CCDC191: variants seen among roughly 807,000 people sequenced by gnomAD.
CCDC191 encodes coiled-coil domain-containing protein 191.
In CCDC191, 99 loss-of-function variants were observed where a neutral mutation model predicts 114.0. That is an observed-to-expected ratio of 0.87 (90% CI 0.74 to 1.03). CCDC191 has a LOEUF of 1.03. Ranked by LOEUF, CCDC191 falls within the 50% of genes least tolerant of loss-of-function variation. The probability of loss-of-function intolerance (pLI) is 0.00; values close to 1 mark genes in which losing one functional copy is unlikely to be tolerated. For missense variants in CCDC191, 973 were observed against 1,087.0 expected (o/e 0.90, Z 1.47); for synonymous variants, 351 against 376.0 (o/e 0.93, Z 0.77).
At chr3:114,009,685 G>A (rs181140617) in intron 9 of CCDC191, among the ~76,000 whole-genome samples, 82 of 152,224 alleles carry the variant, frequency 5.4e-4, no homozygotes, top group Middle Eastern at 3.4e-3. Context: ...TAATCAAAGA[G>A]ATACAAATGT....
At position 114,006,613 on chromosome 3, in the gene CCDC191, T is replaced by TATATATAA. The variant is rs1206982466; in HGVS notation, c.1414-652_1414-651insTTATATAT. On this transcript the variant is annotated intron_variant, in intron 9 of 16. Transcript: ENST00000295878. ...ATATATATATATATATATATATATA[T>TATATATAA]ATATAAATATATATATTTTATATAT... 4.4e-5 allele frequency among the ~76,000 whole-genome samples: 4 copies of TATATATAA among 91,186 alleles called. No individual in the cohort carries two copies. In the East Asian group the frequency reaches 1.6e-3, roughly 35 times the overall value. 59.8% of individuals were successfully genotyped at this position (91,186 alleles called of 152,430 possible).
rs560968273 is a variant in CCDC191, at chr3:114,017,328, T to C, written c.1163+1350A>G. On this transcript the variant is annotated intron_variant, in intron 8 of 16. Coordinates refer to ENST00000295878, the MANE Select transcript of CCDC191 (RefSeq NM_020817.2). ...CCCATCTTCTTGATAATGCCTTTCCTGGCACTCTTTAGGAATCTCCTTAGC... is the reference window on the plus strand; with the variant it reads ...CCCATCTTCTTGATAATGCCTTTCCCGGCACTCTTTAGGAATCTCCTTAGC... Among the ~76,000 whole-genome samples the C allele has an allele frequency of 2.0e-5, 3 of 152,316 alleles. No homozygotes were observed. The East Asian group carries it at 5.8e-4, about 29-fold the overall frequency.
At chr3:114,006,357 G>A (rs2075959265) in intron 9 of CCDC191, among the ~76,000 whole-genome samples, 1 of 151,800 alleles carries the variant, frequency 6.6e-6, no homozygotes, top group Admixed American at 6.6e-5. Flanking sequence ...GCTGATGCAG[G>A]AGAATCGCTT....
At chr3:113,978,826 T>G (rs764724694) in intron 15 of CCDC191, 32 bp downstream of exon 15, 21 of 1,593,838 alleles carry the variant, frequency 1.3e-5, no homozygotes, top group Non-Finnish European at 1.8e-5. Flanking sequence ...AGCAATGAGA[T>G]GTATTTAAGG....
intron 9 of CCDC191, among the ~76,000 whole-genome samples, chr3:114,008,587 G>C (rs1012767133): frequency 7.9e-5 from 12 of 151,966 alleles, no homozygotes; most frequent in African/African-American, 2.9e-4. Flanking sequence ...AGAAGAAGCC[G>C]ACAGGATTGA....
chr3:114,035,547 C>A (rs1316305199), intron 5 of CCDC191, among the ~76,000 whole-genome samples: 1 of 152,154 alleles, frequency 6.6e-6, no homozygotes, highest in Non-Finnish European at 1.5e-5. Flanking sequence ...TTTTTGGAAG[C>A]CACACTGTGA....
intron 4 of CCDC191, among the ~76,000 whole-genome samples, chr3:114,037,890 A>G (rs576418735): frequency 3.3e-5 from 5 of 152,292 alleles, no homozygotes; most frequent in Middle Eastern, 3.4e-3. Flanking sequence ...TTTTTCCCAA[A>G]TATTTTTCAT....
At chr3:113,992,986 C>A (rs902144030) in intron 13 of CCDC191, among the ~76,000 whole-genome samples, 2 of 152,122 alleles carry the variant, frequency 1.3e-5, no homozygotes, top group African/African-American at 4.8e-5. Flanking sequence ...CCCTGGGATG[C>A]AAGGATGGTT....
intron 7 of CCDC191, among the ~76,000 whole-genome samples, chr3:114,023,685 C>A (rs547089857): frequency 6.6e-6 from 1 of 152,140 alleles, no homozygotes; most frequent in African/African-American, 2.4e-5. Context: ...CGCTTCCTTA[C>A]ACCTTATACA....
chr3:114,035,463 T>A (rs1157625291), intron 5 of CCDC191, among the ~76,000 whole-genome samples: 1 of 152,242 alleles, frequency 6.6e-6, no homozygotes, highest in Non-Finnish European at 1.5e-5. Flanking sequence ...CTTGTAAGAT[T>A]GTCCAAGGTG....
intron 13 of CCDC191, among the ~76,000 whole-genome samples, chr3:113,987,671 T>C (rs1345594695): frequency 6.6e-6 from 1 of 152,156 alleles, no homozygotes; most frequent in Non-Finnish European, 1.5e-5. Flanking sequence ...GTAGCTGAGA[T>C]TACAGGTACA....
rs200394017 is a variant in CCDC191, at chr3:114,042,787, C to T, written c.331G>A (p.Glu111Lys). ...TKLKQELASEEEGDAKNTVSS... is the reference protein window; with the variant it reads ...TKLKQELASEKEGDAKNTVSS... ...ACAGTGTTTTTAGCATCACCTTCTT[C>T]CTCACTTGCTAATTCTTGCTTAAGT... The change falls in exon 4 of 17, where the codon GAA becomes AAA. Residue 111 changes from glutamate (E) to lysine (K), a missense_variant. Physicochemically the swap from Glu to Lys is moderately conservative, Grantham distance 56. Coordinates refer to ENST00000295878, the MANE Select transcript of CCDC191 (RefSeq NM_020817.2). The T allele has an allele frequency of 1.4e-5, 22 of 1,602,068 alleles. No individual in the cohort carries two copies. In the South Asian group the frequency reaches 2.1e-4, roughly 16 times the overall value.
In CCDC191 at chr3:114,005,934, T is replaced by G. The variant is rs1250850161; in HGVS notation, c.1442A>C (p.Lys481Thr). 6.2e-7 allele frequency: 1 copy of G among 1,613,830 alleles called. No individual in the cohort carries two copies. The highest frequency in any genetic ancestry group is 1.3e-5 in the African/African-American group (1 of 75,004). The change falls in exon 10 of 17, where the codon AAG becomes ACG. Residue 481 changes from lysine to threonine, a missense_variant. By Grantham distance (78) the Lys-to-Thr change is moderately conservative (BLOSUM62 -1). Transcript: ENST00000295878. ...QETAVPPLWEKPPLGSSGCML... is the reference protein window; with the variant it reads ...QETAVPPLWETPPLGSSGCML... ...ACAACCACTGCTTCCCAAGGGAGGCTTTTCCCACAAAGGGGGCACAGCAGT... is the reference window on the plus strand; with the variant it reads ...ACAACCACTGCTTCCCAAGGGAGGCGTTTCCCACAAAGGGGGCACAGCAGT...
intron 3 of CCDC191, among the ~76,000 whole-genome samples, chr3:114,045,228 A>G (rs755153008): frequency 6.6e-6 from 1 of 151,946 alleles, no homozygotes; most frequent in Non-Finnish European, 1.5e-5. Context: ...TTCAGAATCA[A>G]TCTCCTTTCT....
intron 7 of CCDC191, among the ~76,000 whole-genome samples, chr3:114,027,367 A>T (rs1486122328): frequency 1.1e-4 from 16 of 152,094 alleles, no homozygotes; most frequent in Admixed American, 1.0e-3. Context: ...TGTAATCCCG[A>T]TGCTTTGGGA....
At chr3:114,014,499 A>T (rs2076125851) in intron 8 of CCDC191, among the ~76,000 whole-genome samples, 2 of 152,186 alleles carry the variant, frequency 1.3e-5, no homozygotes, top group Admixed American at 1.3e-4. Context: ...TGGAAATGAG[A>T]ATATCTGACG....
At chr3:114,049,009 C>T (rs539608131) in intron 2 of CCDC191, among the ~76,000 whole-genome samples, 2 of 152,358 alleles carry the variant, frequency 1.3e-5, no homozygotes, top group Non-Finnish European at 2.9e-5. Context: ...GGAACCTCTG[C>T]CAAAACTTGC....
At chr3:113,987,110 C>A in intron 13 of CCDC191, among the ~76,000 whole-genome samples, 2 of 128,546 alleles carry the variant, frequency 1.6e-5, no homozygotes, top group African/African-American at 3.0e-5. Context: ...AATAGAGTAA[C>A]ATCATTAAGG....
chr3:113,991,235 A>C (rs1050643267), intron 13 of CCDC191, among the ~76,000 whole-genome samples: 1 of 150,986 alleles, frequency 6.6e-6, no homozygotes, highest in Non-Finnish European at 1.5e-5. Flanking sequence ...GACTCCAAAA[A>C]AAAAAAAAAG....
Sources: allele counts gnomAD v4.1 joint callset (sites outside exome capture counted in the v4.1 genomes callset), GRCh38; gene constraint gnomAD v4.1.1; transcripts MANE v1.5; gene names NCBI Gene and HGNC (gene_info 2026-07-23, HGNC 2026-07-21).